The following LRGUK variants were observed in gnomAD, a reference collection of about 807,000 sequenced individuals.
LRGUK encodes the protein leucine-rich repeat and guanylate kinase domain-containing protein.
In LRGUK, 65 loss-of-function variants were observed where a neutral mutation model predicts 76.0. The ratio of observed to expected loss-of-function variants is 0.85; its 90% CI spans 0.70 to 1.05. The LOEUF (loss-of-function observed/expected upper bound fraction) is 1.05. Ranked by LOEUF, LRGUK falls within the 50% of genes least tolerant of loss-of-function variation. The pLI, the probability that LRGUK is intolerant of heterozygous loss-of-function variation, is 0.00. For synonymous variants in LRGUK, 268 were observed against 265.6 expected (o/e 1.01, Z -0.09); for missense variants, 758 against 732.8 (o/e 1.03, Z -0.40).
At position 134,221,765 on chromosome 7, in the gene LRGUK, T is replaced by C; in HGVS notation, c.1844-14T>C. The C allele has an allele frequency of 6.8e-7, 1 of 1,469,672 alleles. No individual in the cohort carries two copies. The highest frequency in any genetic ancestry group is 9.0e-7 in the Non-Finnish European group (1 of 1,114,042). The allele number at this position is 1,469,672 out of a possible 1,614,324, so 91.0% of individuals were successfully genotyped here. ...ATGACTTTTATTTTAAACTTTATTT[T>C]TTTTTCCTACCAGATGTTAAGACAT... On this transcript the variant is annotated splice_polypyrimidine_tract_variant and intron_variant, in intron 15 of 19. Transcript: ENST00000285928.
At chr7:134,164,081 G>A (rs1798871769) in intron 7 of LRGUK, among the ~76,000 whole-genome samples, 1 of 152,098 alleles carries the variant, frequency 6.6e-6, no homozygotes, top group African/African-American at 2.4e-5. Flanking sequence ...TTTCCATGCT[G>A]AGAGAGTAGA....
At chr7:134,132,932 T>C (rs1037574314) in intron 1 of LRGUK, among the ~76,000 whole-genome samples, 1 of 152,162 alleles carries the variant, frequency 6.6e-6, no homozygotes, top group Admixed American at 6.5e-5. Flanking sequence ...GTTGAGGCAC[T>C]GCACAGCTTG....
intron 7 of LRGUK, among the ~76,000 whole-genome samples, chr7:134,163,925 C>T (rs1488784371): frequency 1.3e-5 from 2 of 152,060 alleles, no homozygotes; most frequent in African/African-American, 4.8e-5. Flanking sequence ...CCATATCTGC[C>T]ATTTAAAGAA....
chr7:134,180,841 A>G (rs1410841870), intron 10 of LRGUK, among the ~76,000 whole-genome samples: 2 of 152,108 alleles, frequency 1.3e-5, no homozygotes, highest in African/African-American at 2.4e-5. Flanking sequence ...TCTATTTCCA[A>G]AACATTTTCA....
intron 11 of LRGUK, among the ~76,000 whole-genome samples, chr7:134,188,903 GAC>G (rs566157600): frequency 1.7e-3 from 258 of 152,080 alleles, no homozygotes; most frequent in African/African-American, 6.0e-3. Flanking sequence ...GCGTCTGAAT[GAC>G]ACAGAAAAAA....
At chr7:134,267,380 A>AT (rs1181878786), downstream of LRGUK, among the ~76,000 whole-genome samples, 1 of 152,222 alleles carries the variant, frequency 6.6e-6, no homozygotes, top group Non-Finnish European at 1.5e-5. Flanking sequence ...ACACATGGAC[A>AT]TAAAGATGGC....
At chr7:134,178,511 A>T (rs1799582646) in exon 10 of LRGUK, 2 of 1,609,794 alleles carry the variant, frequency 1.2e-6, no homozygotes, top group African/African-American at 2.7e-5. Flanking sequence ...AGGTTTCAGC[A>T]GTGAATAAAT....
intron 7 of LRGUK, among the ~76,000 whole-genome samples, chr7:134,170,728 T>G (rs745829738): frequency 1.1e-4 from 16 of 152,216 alleles, no homozygotes; most frequent in Non-Finnish European, 1.5e-4. Context: ...TATCTAATAG[T>G]AATATAATGA....
At chr7:134,210,772 G>A (rs1481933026), downstream of LRGUK, among the ~76,000 whole-genome samples, 1 of 152,238 alleles carries the variant, frequency 6.6e-6, no homozygotes, top group African/African-American at 2.4e-5. Context: ...GGAGAGGTCA[G>A]GCCAGAGAGA....
At chr7:134,263,623 C>CTTTTTTTTT (rs59840547) in intron 19 of LRGUK, among the ~76,000 whole-genome samples, 45 of 113,956 alleles carry the variant, frequency 3.9e-4, no homozygotes, top group Non-Finnish European at 5.6e-4. Flanking sequence ...TCATTTCTTT[C>CTTTTTTTTT]TTTTTTTTTT....
intron 16 of LRGUK, among the ~76,000 whole-genome samples, chr7:134,233,131 C>A (rs142595984): frequency 2.0e-5 from 3 of 152,290 alleles, no homozygotes; most frequent in East Asian, 3.9e-4. Flanking sequence ...TGTCTAAGTT[C>A]TTTTGCGTTA....
chr7:134,154,451 T>C (rs960919852), intron 5 of LRGUK, among the ~76,000 whole-genome samples: 4 of 152,170 alleles, frequency 2.6e-5, no homozygotes, highest in African/African-American at 9.6e-5. Context: ...GGCCTGCATA[T>C]TGACTGTTGG....
chr7:134,236,286 C>T (rs1354588755), intron 16 of LRGUK, among the ~76,000 whole-genome samples: 2 of 152,126 alleles, frequency 1.3e-5, no homozygotes, highest in Non-Finnish European at 1.5e-5. Context: ...CTGTAGTAAC[C>T]AATTCCTTAT....
chr7:134,186,456 A>G (rs1278038252), intron 11 of LRGUK, among the ~76,000 whole-genome samples: 2 of 152,224 alleles, frequency 1.3e-5, no homozygotes, highest in African/African-American at 2.4e-5. Context: ...AATATCCAGT[A>G]TATGTCCAGA....
chr7:134,206,266 C>T (rs1050494581), intron 15 of LRGUK, among the ~76,000 whole-genome samples: 3 of 152,138 alleles, frequency 2.0e-5, no homozygotes, highest in Non-Finnish European at 2.9e-5. Context: ...CCTGTAATCC[C>T]AGCACTTTGG....
intron 7 of LRGUK, among the ~76,000 whole-genome samples, chr7:134,174,321 T>A (rs1799391673): frequency 1.3e-5 from 2 of 152,040 alleles, no homozygotes; most frequent in Admixed American, 6.6e-5. Context: ...AACTTACTGT[T>A]CCCTAGCTAG....
exon 16 of LRGUK, chr7:134,209,599 A>G (rs1304670456): frequency 2.3e-5 from 9 of 398,654 alleles, no homozygotes; most frequent in Non-Finnish European, 4.0e-5. Context: ...GGAGGCCCAC[A>G]CCCAAACTCC....
intron 15 of LRGUK, among the ~76,000 whole-genome samples, chr7:134,203,845 T>C (rs1427451354): frequency 1.3e-5 from 2 of 152,172 alleles, no homozygotes; most frequent in Admixed American, 1.3e-4. Context: ...GAGGCTTCTG[T>C]AGCTCAGTAG....
At chr7:134,136,679 T>A (rs1370084820) in intron 1 of LRGUK, among the ~76,000 whole-genome samples, 2 of 152,202 alleles carry the variant, frequency 1.3e-5, no homozygotes, top group African/African-American at 4.8e-5. Flanking sequence ...GTTCATTCAT[T>A]GAGAGCTGTT....
Sources: gnomAD v4.1 joint callset for allele counts (sites outside exome capture counted in the v4.1 genomes callset) on GRCh38, gnomAD v4.1.1 for gene constraint, MANE v1.5 for transcripts, NCBI Gene and HGNC (gene_info 2026-07-23, HGNC 2026-07-21) for gene names.